The following STARD9 variants were observed in gnomAD, a reference collection of about 807,000 sequenced individuals.
STARD9 encodes StAR related lipid transfer domain containing 9.
In STARD9, 346 loss-of-function variants were observed where a neutral mutation model predicts 399.8. The observed-to-expected ratio is 0.87, with a 90% CI of 0.79 to 0.95. The LOEUF (loss-of-function observed/expected upper bound fraction) is 0.95. Among genes scored for constraint, STARD9 ranks in the 40% least tolerant of loss-of-function variants. The pLI, the probability that STARD9 is intolerant of heterozygous loss-of-function variation, is 0.00. For missense variants in STARD9, 5,832 were observed against 5,667.5 expected (o/e 1.03, Z -0.93); for synonymous variants, 2,203 against 2,143.5 (o/e 1.03, Z -0.77).
At chr15:42,625,435 G>C (rs1018825383) in intron 3 of STARD9, among the ~76,000 whole-genome samples, 2 of 150,600 alleles carry the variant, frequency 1.3e-5, no homozygotes, top group African/African-American at 4.9e-5. Context: ...GGCTCAAGCA[G>C]TTCTCTTGTC....
chr15:42,638,884 C>A, intron 7 of STARD9, 72 bp downstream of exon 7: 2 of 827,814 alleles, frequency 2.4e-6, no homozygotes, highest in South Asian at 1.7e-5. Context: ...TTCCCTAATT[C>A]ATTGAACATA....
chr15:42,658,474 C>T (rs911438421), intron 9 of STARD9, among the ~76,000 whole-genome samples: 7 of 144,728 alleles, frequency 4.8e-5, no homozygotes, highest in Middle Eastern at 4.3e-3. Flanking sequence ...CCATGCCTGG[C>T]CTTTTGCACT....
chr15:42,636,448 G>T (rs1347506619), intron 4 of STARD9, among the ~76,000 whole-genome samples: 1 of 152,174 alleles, frequency 6.6e-6, no homozygotes, highest in Non-Finnish European at 1.5e-5. Context: ...AGACATGGTG[G>T]CGTGCGCCTG....
In STARD9 at chr15:42,685,437, C is replaced by T. The variant is rs545314885; in HGVS notation, c.3859C>T (p.Leu1287Phe). 14 of 1,535,796 alleles carry T rather than the reference C, an allele frequency of 9.1e-6. No homozygotes were observed. The African/African-American group carries it at 1.8e-4, about 20-fold the overall frequency. Residue 1287 changes from leucine to phenylalanine, a missense_variant, in exon 23 of 33, where the codon CTC becomes TTC. This residue lies in a region of STARD9 where 5,828 missense variants were observed against 5,651.1 expected (regional missense o/e 1.03). Coordinates refer to ENST00000290607, the MANE Select transcript of STARD9 (RefSeq NM_020759.3). The part of the protein sequence containing the change: ...LDPQFQPHCE[L>F]QPHCELQPHC... ...TCCTCAGTTCCAACCCCATTGTGAG[C>T]TCCAACCCCATTGTGAGCTCCAACC... is the stretch of plus-strand genomic sequence containing the variant.
At chr15:42,584,925 C>G (rs1018481910) in intron 2 of STARD9, among the ~76,000 whole-genome samples, 3 of 152,278 alleles carry the variant, frequency 2.0e-5, no homozygotes, top group African/African-American at 7.2e-5. Context: ...AAATCTGAAG[C>G]TTTTTGAATG....
chr15:42,626,285 C>CCCT (rs1382550083), intron 3 of STARD9, among the ~76,000 whole-genome samples: 8 of 136,888 alleles, frequency 5.8e-5, no homozygotes, highest in African/African-American at 2.2e-4. Flanking sequence ...CCTCTTCCTC[C>CCCT]TCTTCCTCTT....
chr15:42,678,107 G>C (rs968497641), intron 20 of STARD9, among the ~76,000 whole-genome samples: 1 of 152,232 alleles, frequency 6.6e-6, no homozygotes, highest in African/African-American at 2.4e-5. Flanking sequence ...GTCCTGCCCA[G>C]CTACTGTAGC....
intron 15 of STARD9, among the ~76,000 whole-genome samples, chr15:42,668,199 C>G (rs1035372157): frequency 6.6e-6 from 1 of 152,160 alleles, no homozygotes; most frequent in African/African-American, 2.4e-5. Flanking sequence ...CTCACCAATG[C>G]CAGGGGTCCC....
At position 42,719,498 on chromosome 15, in the gene STARD9, C is replaced by G; in HGVS notation, c.14027C>G (p.Pro4676Arg). The G allele has an allele frequency of 6.5e-7, 1 of 1,537,112 alleles. No homozygotes were observed. Among genetic ancestry groups the G allele is most frequent in the South Asian group, 1.2e-5 (1 of 84,044 alleles). The part of the protein sequence containing the change: ...AQVELGAPGF[P>R]PQLLSSFIKR... Reference sequence around the variant, plus strand: ...GTGGAACTTGGTGCTCCAGGCTTCCCACCTCAGCTCCTGAGCTCTTTCATC... The same window carrying G: ...GTGGAACTTGGTGCTCCAGGCTTCCGACCTCAGCTCCTGAGCTCTTTCATC... The change falls in exon 33 of 33, where the codon CCA becomes CGA. Residue 4676 changes from proline to arginine, a missense_variant. Coordinates refer to ENST00000290607, the MANE Select transcript of STARD9 (RefSeq NM_020759.3).
At chr15:42,706,870 TTCATTCATTCATCCA>T (rs2061099151) in intron 26 of STARD9, among the ~76,000 whole-genome samples, 1 of 152,242 alleles carries the variant, frequency 6.6e-6, no homozygotes, top group Non-Finnish European at 1.5e-5. Flanking sequence ...TGGAGATGAT[TTCATTCATTCATCCA>T]TCCATCTATC....
At chr15:42,637,810 C>CA in intron 4 of STARD9, 97 bp from the exon 5 acceptor site, 2 of 1,260,126 alleles carry the variant, frequency 1.6e-6, no homozygotes, top group Non-Finnish European at 2.2e-6. Context: ...GGAGTCCATG[C>CA]ACTCATCCCC....
At chr15:42,654,739 A>T (rs1045024259) in intron 9 of STARD9, among the ~76,000 whole-genome samples, 12 of 152,226 alleles carry the variant, frequency 7.9e-5, no homozygotes, top group African/African-American at 2.9e-4. Context: ...AAAGACCTGT[A>T]CAAGAAGAAC....
chr15:42,650,377 A>C (rs558910247), intron 7 of STARD9, among the ~76,000 whole-genome samples: 9 of 152,334 alleles, frequency 5.9e-5, no homozygotes, highest in African/African-American at 2.2e-4. Context: ...GGACTTGGTC[A>C]GTAACCAGCC....
chr15:42,718,480 G>A lies in STARD9; in HGVS notation c.13808G>A (p.Arg4603Gln), dbSNP rs762731905. The change falls in exon 31 of 33, where the codon CGG becomes CAG. Residue 4603 changes from arginine (R) to glutamine (Q), a missense_variant. Physicochemically the swap from Arg to Gln is conservative, Grantham distance 43. This residue lies in a region of STARD9 where 5,828 missense variants were observed against 5,651.1 expected (regional missense o/e 1.03). Coordinates refer to ENST00000290607, the MANE Select transcript of STARD9 (RefSeq NM_020759.3). Reference sequence around the variant, plus strand: ...ACCCTGTGCGCACTGAAGCAGCCACGGGATTTCTGTTGTGTCTGCGTGGAA... The same window carrying A: ...ACCCTGTGCGCACTGAAGCAGCCACAGGATTTCTGTTGTGTCTGCGTGGAA... ...NTTLCALKQP[R>Q]DFCCVCVEAK... The A allele has an allele frequency of 1.6e-4, 253 of 1,537,090 alleles. 2 individuals carry two copies. In the Middle Eastern group the frequency reaches 6.2e-3, roughly 37 times the overall value.
chr15:42,613,565 G>A (rs986065215), intron 3 of STARD9, among the ~76,000 whole-genome samples: 4 of 152,150 alleles, frequency 2.6e-5, no homozygotes, highest in African/African-American at 9.7e-5. Flanking sequence ...ATACCTGAGA[G>A]GAGTTGTGAG....
At chr15:42,718,954 G>T in intron 32 of STARD9, 44 bp downstream of exon 32, 2 of 1,515,614 alleles carry the variant, frequency 1.3e-6, no homozygotes, top group Non-Finnish European at 1.8e-6. Context: ...AGGCTGACTT[G>T]GTCCCACAGC....
chr15:42,697,399 CCTT>C (rs1256121456), intron 26 of STARD9, among the ~76,000 whole-genome samples: 1 of 152,074 alleles, frequency 6.6e-6, no homozygotes, highest in Non-Finnish European at 1.5e-5. Context: ...CCATGCCTGG[CCTT>C]CTTTTTAACA....
intron 7 of STARD9, among the ~76,000 whole-genome samples, chr15:42,640,704 C>T (rs879486058): frequency 2.0e-5 from 3 of 151,052 alleles, no homozygotes; most frequent in Admixed American, 1.3e-4. Context: ...ACCTATAGTC[C>T]CAGCTACTCG....
In STARD9 at chr15:42,690,374, G is replaced by C. The variant is rs895486517; in HGVS notation, c.8796G>C (p.Arg2932Ser). The C allele has an allele frequency of 1.5e-5, 23 of 1,537,102 alleles. No homozygotes were observed. The African/African-American group carries it at 2.9e-4, about 19-fold the overall frequency. ...REALDGPVFS[R>S]NPEGSRTLSP... ...CTTTAGATGGCCCTGTCTTCTCAAG[G>C]AACCCTGAAGGCAGCAGGACTCTCA... is the stretch of plus-strand genomic sequence containing the variant. Residue 2932 changes from arginine (R) to serine (S), a missense_variant, in exon 23 of 33, where the codon AGG becomes AGC. By Grantham distance (110) the Arg-to-Ser change is moderately radical. Around this residue, in one of 2 missense-constraint regions of STARD9, gnomAD observed 5,828 missense variants for 5,651.1 expected, o/e 1.03. Transcript: ENST00000290607.
Sources: allele counts gnomAD v4.1 joint callset (sites outside exome capture counted in the v4.1 genomes callset), GRCh38; gene constraint gnomAD v4.1.1; regional missense constraint gnomAD v4.1.1; transcripts MANE v1.5; gene names NCBI Gene and HGNC (gene_info 2026-07-23, HGNC 2026-07-21).